Variants in ZSWIM5 observed in about 807,000 individuals in gnomAD.
ZSWIM5 encodes the protein zinc finger SWIM domain-containing protein 5.
In ZSWIM5, 55 loss-of-function variants were observed where a neutral mutation model predicts 119.6. That is an observed-to-expected ratio of 0.46 (90% CI 0.37 to 0.58). The LOEUF is 0.58. Ranked by LOEUF, ZSWIM5 falls within the 20% of genes least tolerant of loss-of-function variation. The pLI, the probability that ZSWIM5 is intolerant of heterozygous loss-of-function variation, is 0.00. For missense variants in ZSWIM5, 1,193 were observed against 1,512.8 expected (o/e 0.79, Z 3.51); for synonymous variants, 537 against 606.9 (o/e 0.88, Z 1.69).
At chr1:45,126,175 A>G (rs1486556386) in intron 1 of ZSWIM5, among the ~76,000 whole-genome samples, 2 of 151,894 alleles carry the variant, frequency 1.3e-5, no homozygotes, top group Admixed American at 1.3e-4. Flanking sequence ...CCAAGCAGAA[A>G]GGAGGAAGTA....
At chr1:45,195,427 C>T (rs1410873214) in intron 1 of ZSWIM5, among the ~76,000 whole-genome samples, 5 of 151,882 alleles carry the variant, frequency 3.3e-5, no homozygotes. Flanking sequence ...GGGACAGGGT[C>T]TCCCTATGTT....
chr1:45,163,818 T>C (rs1200822141), intron 1 of ZSWIM5, among the ~76,000 whole-genome samples: 1 of 152,022 alleles, frequency 6.6e-6, no homozygotes, highest in African/African-American at 2.4e-5. Context: ...TATGGGACAA[T>C]GTGAAAAGAC....
intron 1 of ZSWIM5, among the ~76,000 whole-genome samples, chr1:45,186,777 G>A (rs1422684222): frequency 1.3e-5 from 2 of 152,028 alleles, no homozygotes; most frequent in Non-Finnish European, 2.9e-5. Context: ...TTTTAGTCAA[G>A]ACCGGGTTTT....
chr1:45,175,232 T>C (rs1331617584), intron 1 of ZSWIM5, among the ~76,000 whole-genome samples: 1 of 152,120 alleles, frequency 6.6e-6, no homozygotes, highest in Non-Finnish European at 1.5e-5. Context: ...AGTAATATCA[T>C]AGAAGTGGAG....
intron 2 of ZSWIM5, among the ~76,000 whole-genome samples, chr1:45,081,810 ACC>A (rs934442650): frequency 2.6e-5 from 4 of 151,924 alleles, no homozygotes; most frequent in Non-Finnish European, 5.9e-5. Flanking sequence ...CCCGGCCACC[ACC>A]CCGTCTGGGA....
intron 1 of ZSWIM5, among the ~76,000 whole-genome samples, chr1:45,191,177 C>T (rs1012779903): frequency 2.0e-5 from 3 of 151,906 alleles, no homozygotes; most frequent in African/African-American, 2.4e-5. Flanking sequence ...TCGTGATCCG[C>T]CCGCCTCGGC....
intron 1 of ZSWIM5, among the ~76,000 whole-genome samples, chr1:45,118,763 AAAG>A (rs1408701812): frequency 2.0e-5 from 3 of 151,800 alleles, no homozygotes; most frequent in Admixed American, 6.6e-5. Flanking sequence ...AAAGAAAAGA[AAAG>A]AAAAGAAAAA....
chr1:45,143,025 A>G (rs1308948581), intron 1 of ZSWIM5, among the ~76,000 whole-genome samples: 1 of 150,694 alleles, frequency 6.6e-6, no homozygotes, highest in Non-Finnish European at 1.5e-5. Flanking sequence ...AAAAAAAAAA[A>G]TTAGCTGGGT....
At chr1:45,030,872 T>C (rs995529018) in intron 11 of ZSWIM5, among the ~76,000 whole-genome samples, 4 of 148,628 alleles carry the variant, frequency 2.7e-5, no homozygotes, top group Non-Finnish European at 4.5e-5. Context: ...TCTCAGCTCA[T>C]TGCAACCTCT....
chr1:45,142,337 C>G (rs1248142376), intron 1 of ZSWIM5, among the ~76,000 whole-genome samples: 1 of 152,118 alleles, frequency 6.6e-6, no homozygotes, highest in Non-Finnish European at 1.5e-5. Context: ...AAACAGATAT[C>G]TGAATAGTCT....
In ZSWIM5 at chr1:45,035,786, T is replaced by C; in HGVS notation, c.2193A>G (p.Arg731=). The change falls in exon 10 of 14, where the codon CGA becomes CGG. Residue 731 remains arginine, a synonymous_variant. Coordinates refer to ENST00000359600, the MANE Select transcript of ZSWIM5 (RefSeq NM_020883.2). ...CAAAGGTATGCATGGGAACACTCTCTCGGTGGATGACTTCTCCCAGACCGC... is the reference window on the plus strand; with the variant it reads ...CAAAGGTATGCATGGGAACACTCTCCCGGTGGATGACTTCTCCCAGACCGC... ...PFSGLGEVIH[R]ESVPMHTFAK... 6.2e-7 allele frequency: 1 copy of C among 1,613,750 alleles called. No homozygotes were observed. Among genetic ancestry groups the C allele is most frequent in the Non-Finnish European group, 8.5e-7 (1 of 1,180,002 alleles).
chr1:45,197,634 C>T (rs528160548), intron 1 of ZSWIM5, among the ~76,000 whole-genome samples: 18 of 152,212 alleles, frequency 1.2e-4, no homozygotes, highest in African/African-American at 4.3e-4. Context: ...TTTATGTGAA[C>T]ATATGAGGGT....
chr1:45,098,787 C>T (rs1042844721), intron 1 of ZSWIM5, among the ~76,000 whole-genome samples: 1 of 152,144 alleles, frequency 6.6e-6, no homozygotes, highest in African/African-American at 2.4e-5. Flanking sequence ...ACAACCTGCT[C>T]CTGAATGACT....
intron 1 of ZSWIM5, among the ~76,000 whole-genome samples, chr1:45,197,183 C>A (rs1467053195): frequency 6.6e-6 from 1 of 152,156 alleles, no homozygotes; most frequent in Non-Finnish European, 1.5e-5. Context: ...AAGCCAAATC[C>A]CTTGTTCTCT....
At chr1:45,149,852 T>C (rs1318592223) in intron 1 of ZSWIM5, among the ~76,000 whole-genome samples, 1 of 152,138 alleles carries the variant, frequency 6.6e-6, no homozygotes, top group Non-Finnish European at 1.5e-5. Context: ...CATTAACTTT[T>C]AAACTACCAT....
At chr1:45,173,206 T>C (rs558771679) in intron 1 of ZSWIM5, among the ~76,000 whole-genome samples, 23 of 152,060 alleles carry the variant, frequency 1.5e-4, no homozygotes, top group Non-Finnish European at 2.9e-4. Flanking sequence ...TTGGTACTAC[T>C]AGAGGAAACG....
rs1008443661 is a variant in ZSWIM5 at position 45,034,203 on chromosome 1, A to T, written c.2449+109T>A. On this transcript the variant is annotated intron_variant, in intron 11 of 13. Transcript: ENST00000359600. The stretch of plus-strand genomic sequence containing the variant: ...AAAGTGAGGACCACTATCACTCTAA[A>T]TGGTCAAGGAGCTTCTCTTTCTCAG... 6 of 1,328,242 alleles carry T rather than the reference A, an allele frequency of 4.5e-6. No individual in the cohort carries two copies. The Admixed American group carries it at 1.5e-4, about 33-fold the overall frequency. The allele number at this position is 1,328,242 out of a possible 1,614,324, so 82.3% of individuals were successfully genotyped here.
At chr1:45,101,534 C>T (rs1645439599) in intron 1 of ZSWIM5, among the ~76,000 whole-genome samples, 1 of 152,148 alleles carries the variant, frequency 6.6e-6, no homozygotes, top group South Asian at 2.1e-4. Context: ...AGAGATTCCA[C>T]TACTGAGTAT....
chr1:45,030,565 T>C (rs1191423668), intron 11 of ZSWIM5, among the ~76,000 whole-genome samples: 1 of 151,986 alleles, frequency 6.6e-6, no homozygotes, highest in East Asian at 1.9e-4. Flanking sequence ...TATTTATTCT[T>C]AAGTGAGCTC....
Sources: gnomAD v4.1 joint callset for allele counts (sites outside exome capture counted in the v4.1 genomes callset) on GRCh38, gnomAD v4.1.1 for gene constraint, MANE v1.5 for transcripts, NCBI Gene and HGNC (gene_info 2026-07-23, HGNC 2026-07-21) for gene names.